The following MED27 variants were observed in gnomAD, a reference collection of about 807,000 sequenced individuals.
MED27 encodes mediator complex subunit 27, also known as mediator of RNA polymerase II transcription subunit 27.
MED27 carries 30 observed loss-of-function variants against 38.2 expected under a neutral mutation model. The observed-to-expected ratio is 0.79, with a 90% CI of 0.59 to 1.07. The LOEUF (loss-of-function observed/expected upper bound fraction) is 1.07. MED27 is among the 50% of genes least tolerant of loss of function. MED27 has a pLI of 0.00. For synonymous variants in MED27, 122 were observed against 153.5 expected, an observed-to-expected ratio of 0.79 and a Z score of 1.52; for missense variants, 289 against 397.5, an observed-to-expected ratio of 0.73 and a Z score of 2.32.
intron 4 of MED27, among the ~76,000 whole-genome samples, chr9:131,938,747 T>C (rs1830727091): frequency 1.3e-5 from 2 of 151,858 alleles, no homozygotes; most frequent in Admixed American, 1.3e-4. Flanking sequence ...AGTCTTGCTC[T>C]GTCACCCAGG....
At chr9:132,015,587 C>T (rs1277888864) in intron 2 of MED27, among the ~76,000 whole-genome samples, 1 of 152,150 alleles carries the variant, frequency 6.6e-6, no homozygotes, top group Non-Finnish European at 1.5e-5. Flanking sequence ...AGCAACTTTC[C>T]ATCATTACAG....
At chr9:131,864,486 C>CAAAATGAAAAAACCACACCT (rs1245598947) in intron 6 of MED27, among the ~76,000 whole-genome samples, 2 of 152,114 alleles carry the variant, frequency 1.3e-5, no homozygotes, top group African/African-American at 4.8e-5. Context: ...TCAAACAAAA[C>CAAAATGAAAAAACCACACCT]AAAATGAAAA....
At chr9:131,906,391 C>A (rs1270714158) in intron 4 of MED27, among the ~76,000 whole-genome samples, 1 of 152,194 alleles carries the variant, frequency 6.6e-6, no homozygotes, top group Non-Finnish European at 1.5e-5. Flanking sequence ...AGTGCCGGAG[C>A]AGAGCAGCAC....
intron 3 of MED27, among the ~76,000 whole-genome samples, chr9:132,011,087 G>A (rs1832476840): frequency 6.6e-6 from 1 of 152,052 alleles, no homozygotes; most frequent in South Asian, 2.1e-4. Context: ...GATGGATATT[G>A]ATATGCAAAT....
chr9:131,920,708 C>A (rs1032898066), intron 4 of MED27, among the ~76,000 whole-genome samples: 1 of 151,926 alleles, frequency 6.6e-6, no homozygotes, highest in African/African-American at 2.4e-5. Flanking sequence ...AGAGCAGAGC[C>A]TTGAAGACTA....
chr9:131,869,410 T>A, intron 6 of MED27: 1 of 758,208 alleles, frequency 1.3e-6, no homozygotes, highest in Non-Finnish European at 1.6e-6. Context: ...AAAAAAAATC[T>A]GCTATTAACT....
intron 6 of MED27, among the ~76,000 whole-genome samples, chr9:131,870,716 CCTCAG>C (rs1838817005): frequency 6.6e-6 from 1 of 152,114 alleles, no homozygotes. Flanking sequence ...AGGGACTGGA[CCTCAG>C]CACTTTGAGG....
chr9:131,974,136 C>T (rs1831552220), intron 3 of MED27, among the ~76,000 whole-genome samples: 1 of 152,156 alleles, frequency 6.6e-6, no homozygotes, highest in Admixed American at 6.5e-5. Flanking sequence ...GAACATAGTA[C>T]CAGGGCACAT....
At chr9:131,867,611 G>T (rs565481978) in intron 6 of MED27, among the ~76,000 whole-genome samples, 6 of 152,350 alleles carry the variant, frequency 3.9e-5, no homozygotes, top group African/African-American at 1.4e-4. Flanking sequence ...TAAGAATGGT[G>T]CTGCTTGAAA....
At position 131,860,604 on chromosome 9, in the gene MED27, G is replaced by A. The variant is rs761752665; in HGVS notation, c.870C>T (p.Asp290=). 2.6e-5 allele frequency: 42 copies of A among 1,608,308 alleles called. No individual in the cohort carries two copies. Among genetic ancestry groups the A allele is most frequent in the Admixed American group, 8.4e-5 (5 of 59,286 alleles). ...PCQRCGKFLQ[D]GLPPTWRDFR... ...AATCCCTCCATGTCGGGGGAAGGCC[G>A]TCCTGCAGAAACTTCCCGCAGCGCT... Residue 290 remains aspartate, a synonymous_variant, in exon 8 of 8, where the codon GAC becomes GAT. Coordinates refer to ENST00000292035, the MANE Select transcript of MED27 (RefSeq NM_004269.4). This position sits in a 1 kb window ranked among gnomAD's most constrained non-coding sequence, Gnocchi z 5.8.
intron 2 of MED27, among the ~76,000 whole-genome samples, chr9:132,038,673 T>C (rs974073401): frequency 6.6e-6 from 1 of 152,246 alleles, no homozygotes; most frequent in Non-Finnish European, 1.5e-5. Context: ...ACTGAGAAGA[T>C]GACACCTGCA....
In MED27 at chr9:131,872,287, C is replaced by T. The variant is rs1476780461; in HGVS notation, c.724-9147G>A. Among the ~76,000 whole-genome samples, 2 of 152,220 alleles carry T rather than the reference C, an allele frequency of 1.3e-5. No homozygotes were observed. Among genetic ancestry groups the T allele is most frequent in the African/African-American group, 2.4e-5 (1 of 41,464 alleles). ...TGGGGGAGCTGAGCTTGAACAGAGA[C>T]GCTCTTCCTAACGCACCTGCTGAGG... On this transcript the variant is annotated intron_variant, in intron 6 of 7. Transcript: ENST00000292035. This position sits in a 1 kb window ranked among gnomAD's most constrained non-coding sequence, Gnocchi z 5.6.
rs758928793 is a variant in MED27 at position 131,893,417 on chromosome 9, G to A, written c.681+468C>T. Among the ~76,000 whole-genome samples, 8 of 152,176 alleles carry A rather than the reference G, an allele frequency of 5.3e-5. No homozygotes were observed. The South Asian group carries it at 8.3e-4, about 16-fold the overall frequency. On this transcript the variant is annotated intron_variant, in intron 5 of 7. Coordinates refer to ENST00000292035, the MANE Select transcript of MED27 (RefSeq NM_004269.4). ...GGAAATAACACGTCTTCTTTCAACA[G>A]CAGTATTCAATATATGCTGCTGTGC... is the stretch of plus-strand genomic sequence containing the variant.
chr9:132,054,957 G>T (rs936984460), intron 2 of MED27, among the ~76,000 whole-genome samples: 1 of 152,050 alleles, frequency 6.6e-6, no homozygotes, highest in Non-Finnish European at 1.5e-5. Context: ...TCTTCTCTAG[G>T]GTACCCTCAC....
chr9:131,994,508 G>A (rs1832049074), intron 3 of MED27, among the ~76,000 whole-genome samples: 2 of 152,188 alleles, frequency 1.3e-5, no homozygotes, highest in Admixed American at 1.3e-4. Context: ...TTACCAGCCT[G>A]CCCCCTGCAG....
chr9:131,973,442 TTTTC>T (rs1391869916), intron 3 of MED27, among the ~76,000 whole-genome samples: 1 of 148,520 alleles, frequency 6.7e-6, no homozygotes, highest in Non-Finnish European at 1.5e-5. Flanking sequence ...CCTTTTCTTT[TTTTC>T]TTTTTCTTTT....
chr9:131,884,910 T>C (rs4237116), intron 5 of MED27, among the ~76,000 whole-genome samples: 150,538 of 152,336 alleles, frequency 0.99, 74,390 homozygotes, highest in East Asian at 1. Flanking sequence ...ACTGGACCCT[T>C]TTTACCATTT....
intron 6 of MED27, among the ~76,000 whole-genome samples, chr9:131,867,841 G>A (rs902571599): frequency 2.0e-5 from 3 of 152,214 alleles, no homozygotes; most frequent in African/African-American, 7.2e-5. Flanking sequence ...CTAGGAGCTC[G>A]GGGAGGGGTG....
intron 2 of MED27, among the ~76,000 whole-genome samples, chr9:132,064,641 G>A (rs2131155362): frequency 6.6e-6 from 1 of 152,314 alleles, no homozygotes; most frequent in Non-Finnish European, 1.5e-5. Context: ...AGGCAAATAA[G>A]CCAGAAAACG....
Sources: allele counts gnomAD v4.1 joint callset (sites outside exome capture counted in the v4.1 genomes callset), GRCh38; gene constraint gnomAD v4.1.1; non-coding constraint Gnocchi (gnomAD v3.1); transcripts MANE v1.5; gene names NCBI Gene and HGNC (gene_info 2026-07-23, HGNC 2026-07-21).